The following RALYL variants were observed in gnomAD, a reference collection of about 807,000 sequenced individuals.
The protein encoded by RALYL is RNA-binding Raly-like protein.
In RALYL, 29 loss-of-function variants were observed where a neutral mutation model predicts 35.1. The ratio of observed to expected loss-of-function variants is 0.83; its 90% CI spans 0.61 to 1.13. RALYL has a LOEUF of 1.13. RALYL is among the 50% of genes most tolerant of loss of function. The probability of loss-of-function intolerance (pLI) is 0.00; values close to 1 mark genes in which losing one functional copy is unlikely to be tolerated. For missense variants in RALYL, 359 were observed against 360.4 expected (o/e 1.00, Z 0.03); for synonymous variants, 120 against 127.6 (o/e 0.94, Z 0.40).
intron 1 of RALYL, among the ~76,000 whole-genome samples, chr8:84,262,573 G>A (rs1001033103): frequency 1.3e-5 from 2 of 151,994 alleles, no homozygotes; most frequent in African/African-American, 2.4e-5. Flanking sequence ...TTAACAAATT[G>A]TCCTATCCTG....
At chr8:84,706,092 C>A (rs1379552943) in intron 2 of RALYL, 3 of 1,529,820 alleles carry the variant, frequency 2.0e-6, no homozygotes, top group Non-Finnish European at 1.8e-6. Flanking sequence ...TTTTTCATAT[C>A]ACTGGGGTAG....
chr8:84,548,556 C>G lies in RALYL; in HGVS notation c.256+18979C>G, dbSNP rs189343349. On this transcript the variant is annotated intron_variant, in intron 2 of 8. Transcript: ENST00000521268. ...TGTTTACTTTCATTTTCTCTTAAAA[C>G]CTATTTGGAGACTTGAATGTGATCT... Among the ~76,000 whole-genome samples, 366 of 152,174 alleles carry G rather than the reference C, an allele frequency of 2.4e-3. 1 individual carries two copies. The highest frequency in any genetic ancestry group is 9.5e-3 in the South Asian group (46 of 4,826).
intron 1 of RALYL, among the ~76,000 whole-genome samples, chr8:84,526,818 G>A (rs1207958217): frequency 1.3e-5 from 2 of 152,118 alleles, no homozygotes; most frequent in Non-Finnish European, 2.9e-5. Context: ...CAGAAAGCTT[G>A]GCTGTCCTAT....
intron 6 of RALYL, among the ~76,000 whole-genome samples, chr8:84,865,798 T>C (rs1354286173): frequency 3.3e-5 from 5 of 152,216 alleles, no homozygotes; most frequent in Non-Finnish European, 5.9e-5. Flanking sequence ...TCTAGTAAGT[T>C]TGAATGCCTT....
intron 1 of RALYL, among the ~76,000 whole-genome samples, chr8:84,247,649 G>A (rs765930963): frequency 4.6e-5 from 7 of 151,926 alleles, no homozygotes; most frequent in Non-Finnish European, 1.0e-4. Context: ...TTTAGTTTTG[G>A]TTATTCTAAA....
intron 1 of RALYL, among the ~76,000 whole-genome samples, chr8:84,370,477 T>TA (rs1855464690): frequency 6.6e-6 from 1 of 151,484 alleles, no homozygotes; most frequent in Non-Finnish European, 1.5e-5. Context: ...CATACACACA[T>TA]AAAGTGTTTT....
intron 2 of RALYL, among the ~76,000 whole-genome samples, chr8:84,553,802 C>T (rs187816596): frequency 6.6e-6 from 1 of 151,748 alleles, no homozygotes; most frequent in African/African-American, 2.4e-5. Context: ...ATGTATTTTG[C>T]CTATACTGTC....
At chr8:84,189,422 G>A (rs548229554) in intron 1 of RALYL, among the ~76,000 whole-genome samples, 4 of 152,284 alleles carry the variant, frequency 2.6e-5, no homozygotes, top group South Asian at 2.1e-4. Context: ...ATAATAAGAG[G>A]AGCAACACAT....
At chr8:84,373,901 T>C (rs1856419504) in intron 1 of RALYL, among the ~76,000 whole-genome samples, 1 of 151,690 alleles carries the variant, frequency 6.6e-6, no homozygotes, top group Non-Finnish European at 1.5e-5. Context: ...GTGTTTTGTA[T>C]TTCTCCTTTT....
At chr8:84,427,259 A>T (rs1052509666) in intron 1 of RALYL, among the ~76,000 whole-genome samples, 3 of 152,094 alleles carry the variant, frequency 2.0e-5, no homozygotes, top group Non-Finnish European at 4.4e-5. Flanking sequence ...TCCCTACTAG[A>T]CTTCCAGCTT....
chr8:84,722,987 A>G (rs948370812), intron 2 of RALYL, among the ~76,000 whole-genome samples: 5 of 151,956 alleles, frequency 3.3e-5, no homozygotes, highest in Non-Finnish European at 5.9e-5. Flanking sequence ...CAATTTCAAA[A>G]AAAGCTTGCT....
At chr8:84,237,983 A>G (rs1392337183) in intron 1 of RALYL, among the ~76,000 whole-genome samples, 1 of 146,140 alleles carries the variant, frequency 6.8e-6, no homozygotes, top group Non-Finnish European at 1.5e-5. Flanking sequence ...TCTAAAAAAA[A>G]GAAGAAAAAA....
chr8:84,754,248 T>C (rs1408834981), intron 2 of RALYL, among the ~76,000 whole-genome samples: 1 of 150,206 alleles, frequency 6.7e-6, no homozygotes, highest in Admixed American at 6.6e-5. Context: ...ACTTAAAGTA[T>C]AATAATAAAA....
rs796336116 is a variant in RALYL, at chr8:84,292,763, T to C, written c.-24+108339T>C. ...TAAAAAGGGGAGACATGAATAATCC[T>C]CCCCTTGTTTAGCATATCATCAATA... On this transcript the variant is annotated intron_variant, in intron 1 of 8. Coordinates refer to ENST00000521268, the MANE Select transcript of RALYL (RefSeq NM_173848.7). 7.2e-5 allele frequency among the ~76,000 whole-genome samples: 11 copies of C among 152,270 alleles called. 1 individual carries two copies. The highest frequency in any genetic ancestry group is 2.6e-4 in the African/African-American group (11 of 41,566).
chr8:84,461,285 T>A (rs1334668613), intron 1 of RALYL, among the ~76,000 whole-genome samples: 2 of 151,606 alleles, frequency 1.3e-5, no homozygotes, highest in Non-Finnish European at 3.0e-5. Context: ...GTGACAGATG[T>A]GCCTGCTAAG....
chr8:84,534,150 T>A (rs2059447524), intron 2 of RALYL, among the ~76,000 whole-genome samples: 1 of 152,264 alleles, frequency 6.6e-6, no homozygotes, highest in African/African-American at 2.4e-5. Context: ...TCAGCCTTGC[T>A]TAGAGCTACA....
chr8:84,752,640 G>C (rs959537334), intron 2 of RALYL, among the ~76,000 whole-genome samples: 5 of 152,106 alleles, frequency 3.3e-5, no homozygotes, highest in Non-Finnish European at 7.4e-5. Flanking sequence ...GTGCAGCCTG[G>C]GAACACTGCT....
At chr8:84,405,423 G>GT (rs916011699) in intron 1 of RALYL, among the ~76,000 whole-genome samples, 7 of 152,080 alleles carry the variant, frequency 4.6e-5, no homozygotes, top group African/African-American at 1.2e-4. Context: ...TCCAGGAGGT[G>GT]TTTTTTTGAA....
At chr8:84,323,846 G>C (rs978850202) in intron 1 of RALYL, among the ~76,000 whole-genome samples, 1 of 152,044 alleles carries the variant, frequency 6.6e-6, no homozygotes, top group Non-Finnish European at 1.5e-5. Context: ...CAATGGATGA[G>C]TGCTACAATA....
Sources: allele counts gnomAD v4.1 joint callset (sites outside exome capture counted in the v4.1 genomes callset), GRCh38; gene constraint gnomAD v4.1.1; transcripts MANE v1.5; gene names NCBI Gene and HGNC (gene_info 2026-07-23, HGNC 2026-07-21).